The following BABAM2 variants were observed in gnomAD, a reference collection of about 807,000 sequenced individuals.
BABAM2 encodes BRISC and BRCA1 A complex member 2.
Under a neutral mutation model 54.7 loss-of-function variants are expected in BABAM2, and 31 were observed. That is an observed-to-expected ratio of 0.57 (90% confidence interval 0.43 to 0.77). The LOEUF (loss-of-function observed/expected upper bound fraction) is 0.77. Ranked by LOEUF, BABAM2 falls within the 30% of genes least tolerant of loss-of-function variation. The probability of loss-of-function intolerance (pLI) is 0.00; values close to 1 mark genes in which losing one functional copy is unlikely to be tolerated. For synonymous variants in BABAM2, 167 were observed against 162.9 expected (o/e 1.03, Z -0.19); for missense variants, 364 against 455.8 (o/e 0.80, Z 1.83).
chr2:28,107,681 C>T (rs564172551), intron 6 of BABAM2, among the ~76,000 whole-genome samples: 2 of 152,282 alleles, frequency 1.3e-5, no homozygotes, highest in South Asian at 2.1e-4. Flanking sequence ...TTCCTTTGTC[C>T]GGCTGCAGGT....
At chr2:28,295,389 A>T (rs1394964017) in intron 10 of BABAM2, among the ~76,000 whole-genome samples, 3 of 152,062 alleles carry the variant, frequency 2.0e-5, no homozygotes, top group Admixed American at 2.0e-4. Flanking sequence ...GGAAGCTCTC[A>T]TGGTACTTTT....
chr2:28,187,851 A>G (rs767300291), intron 7 of BABAM2, among the ~76,000 whole-genome samples: 4 of 151,990 alleles, frequency 2.6e-5, no homozygotes, highest in Admixed American at 1.3e-4. Flanking sequence ...TGTTTTTAGT[A>G]GAGACTGAGT....
At chr2:28,308,495 TGTGAAGAAGCTCA>T (rs1688761495) in intron 11 of BABAM2, 65 of 527,528 alleles carry the variant, frequency 1.2e-4, no homozygotes, top group South Asian at 8.7e-4. Flanking sequence ...TCAAACAGGC[TGTGAAGAAGCTCA>T]GTGACACTGC....
At chr2:28,138,235 G>A (rs932323754) in intron 7 of BABAM2, among the ~76,000 whole-genome samples, 1 of 152,164 alleles carries the variant, frequency 6.6e-6, no homozygotes, top group Non-Finnish European at 1.5e-5. Flanking sequence ...TCCCAGAACT[G>A]ATGGAAGATA....
intron 6 of BABAM2, among the ~76,000 whole-genome samples, chr2:28,127,802 G>A (rs1325034214): frequency 6.7e-6 from 1 of 148,932 alleles, no homozygotes; most frequent in African/African-American, 2.5e-5. Flanking sequence ...CTCATGAGTA[G>A]TGAGTCTTTT....
intron 10 of BABAM2, among the ~76,000 whole-genome samples, chr2:28,294,392 A>C (rs1023789476): frequency 2.6e-5 from 4 of 151,904 alleles, no homozygotes; most frequent in African/African-American, 9.7e-5. Context: ...AAAAAAAAAA[A>C]AAGGAAAGAA....
intron 5 of BABAM2, among the ~76,000 whole-genome samples, chr2:28,026,889 T>G (rs1341447790): frequency 7.3e-5 from 2 of 27,228 alleles, no homozygotes; most frequent in East Asian, 1.2e-3. Context: ...TATATATAGA[T>G]ATATATAAAT....
At chr2:28,065,584 G>GT (rs1405428247) in intron 6 of BABAM2, among the ~76,000 whole-genome samples, 1 of 152,128 alleles carries the variant, frequency 6.6e-6, no homozygotes, top group Non-Finnish European at 1.5e-5. Flanking sequence ...TACCTGGGTG[G>GT]TTTTGTCCTG....
chr2:27,968,452 G>T (rs1321451649), intron 3 of BABAM2, among the ~76,000 whole-genome samples: 1 of 152,238 alleles, frequency 6.6e-6, no homozygotes, highest in Non-Finnish European at 1.5e-5. Flanking sequence ...GTTTCCTGCA[G>T]GAGTGGGGCC....
chr2:28,091,577 A>G (rs1343022438), intron 6 of BABAM2, among the ~76,000 whole-genome samples: 1 of 152,224 alleles, frequency 6.6e-6, no homozygotes, highest in African/African-American at 2.4e-5. Flanking sequence ...TCTGAAATGA[A>G]TATCAAGAGA....
chr2:27,918,723 C>T (rs1201462445), intron 2 of BABAM2, among the ~76,000 whole-genome samples: 1 of 151,880 alleles, frequency 6.6e-6, no homozygotes, highest in African/African-American at 2.4e-5. Flanking sequence ...TTTTCTCACT[C>T]CGTGGCTCAG....
At chr2:28,323,618 T>G (rs1690207841) in intron 11 of BABAM2, among the ~76,000 whole-genome samples, 1 of 152,128 alleles carries the variant, frequency 6.6e-6, no homozygotes, top group South Asian at 2.1e-4. Flanking sequence ...AAAGCAGAGC[T>G]GGAATCACAG....
intron 7 of BABAM2, among the ~76,000 whole-genome samples, chr2:28,194,131 G>A (rs891791526): frequency 5.3e-5 from 8 of 152,150 alleles, no homozygotes; most frequent in African/African-American, 1.4e-4. Context: ...GGAGAGCTTC[G>A]TGTGGCTGGA....
intron 2 of BABAM2, among the ~76,000 whole-genome samples, chr2:27,907,947 T>G (rs1666303447): frequency 6.6e-6 from 1 of 152,230 alleles, no homozygotes; most frequent in Non-Finnish European, 1.5e-5. Flanking sequence ...GTTGCTTCTA[T>G]CTTTGGCTAC....
chr2:27,992,281 CA>C (rs1672837380), intron 4 of BABAM2, among the ~76,000 whole-genome samples: 1 of 152,030 alleles, frequency 6.6e-6, no homozygotes. Flanking sequence ...TAAAAATAAA[CA>C]AAAGACAAAG....
intron 4 of BABAM2, among the ~76,000 whole-genome samples, chr2:28,011,235 G>C (rs1674375006): frequency 6.6e-6 from 1 of 152,186 alleles, no homozygotes; most frequent in Non-Finnish European, 1.5e-5. Flanking sequence ...TGGATCTGGG[G>C]ATAAGAGGTA....
In BABAM2 at chr2:28,329,694, C is replaced by A. The variant is rs938647542; in HGVS notation, c.1089-8756C>A. Among the ~76,000 whole-genome samples the A allele has an allele frequency of 3.3e-5, 5 of 152,128 alleles. No homozygotes were observed. Among genetic ancestry groups the A allele is most frequent in the African/African-American group, 7.2e-5 (3 of 41,402 alleles). On this transcript the variant is annotated intron_variant, in intron 11 of 11. Coordinates refer to ENST00000379624, the MANE Select transcript of BABAM2 (RefSeq NM_199191.3). The surrounding 1 kb of genome is among the most constrained non-coding windows in gnomAD (Gnocchi z 4.2). ...CTGAAATTGAGGCAGTAATAAATAG[C>A]CTACCAACCAAAAAAAGCCCAGGAC...
At chr2:28,030,980 A>G (rs1384586549) in intron 5 of BABAM2, among the ~76,000 whole-genome samples, 1 of 152,210 alleles carries the variant, frequency 6.6e-6, no homozygotes, top group Non-Finnish European at 1.5e-5. Flanking sequence ...ACTGTTATAA[A>G]TAACAACATC....
At chr2:28,132,503 C>T (rs1670177900) in intron 7 of BABAM2, among the ~76,000 whole-genome samples, 2 of 152,182 alleles carry the variant, frequency 1.3e-5, no homozygotes, top group Non-Finnish European at 2.9e-5. Flanking sequence ...TCGGTTGCTT[C>T]CCCTCATATA....
Sources: gnomAD v4.1 joint callset for allele counts (sites outside exome capture counted in the v4.1 genomes callset) on GRCh38, gnomAD v4.1.1 for gene constraint, Gnocchi (gnomAD v3.1) non-coding constraint, MANE v1.5 for transcripts, NCBI Gene and HGNC (gene_info 2026-07-23, HGNC 2026-07-21) for gene names.